DRD2: variants seen among roughly 807,000 people sequenced by gnomAD.
DRD2 encodes dopamine receptor D2.
DRD2 carries 8 observed loss-of-function variants against 38.0 expected under a neutral mutation model. The observed-to-expected ratio is 0.21, with a 90% CI of 0.12 to 0.38. DRD2 has a LOEUF of 0.38. DRD2 is among the 10% of genes least tolerant of loss of function. The pLI, the probability that DRD2 is intolerant of heterozygous loss-of-function variation, is 1.00. For missense variants in DRD2, 403 were observed against 607.7 expected (o/e 0.66, Z 3.54); for synonymous variants, 230 against 238.6 (o/e 0.96, Z 0.33).
rs370588445 is a variant in DRD2 at position 113,417,858 on chromosome 11, A to C, written c.395+169T>G. On this transcript the variant is annotated intron_variant, in intron 3 of 7. Coordinates refer to ENST00000362072, the MANE Select transcript of DRD2 (RefSeq NM_000795.4). Reference sequence around the variant, plus strand: ...CTCTTTAGGGAGTGTGTGCTCTCCTAGCCAAACATACACACATGCACACCC... The same window carrying C: ...CTCTTTAGGGAGTGTGTGCTCTCCTCGCCAAACATACACACATGCACACCC... Among the ~76,000 whole-genome samples the C allele has an allele frequency of 8.7e-4, 132 of 152,252 alleles. 5 individuals are homozygous for C. In the South Asian group the frequency reaches 0.027, roughly 31 times the overall value.
In DRD2 at chr11:113,410,864, A is replaced by G. The variant is rs773693505; in HGVS notation, c.1195T>C (p.Cys399Arg). Residue 399 changes from cysteine to arginine, a missense_variant, in exon 8 of 8, where the codon TGT becomes CGT. By Grantham distance (180) the Cys-to-Arg change is radical (BLOSUM62 -3). This residue lies in a region of DRD2 where 67 missense variants were observed against 136.1 expected (regional missense o/e 0.49). Transcript: ENST00000362072. ...AGGACAGGCGGGATGTTGCAGTCAC[A>G]GTGTATGTTCAGGATGTGTGTGATG... ...FFITHILNIH[C>R]DCNIPPVLYS... is the part of the protein sequence containing the mutation. 1.2e-6 allele frequency: 2 copies of G among 1,614,106 alleles called. No homozygotes were observed. The highest frequency in any genetic ancestry group is 1.3e-5 in the African/African-American group (1 of 75,030).
At chr11:113,460,545 C>T (rs1431349176) in intron 1 of DRD2, among the ~76,000 whole-genome samples, 1 of 152,252 alleles carries the variant, frequency 6.6e-6, no homozygotes, top group East Asian at 1.9e-4. Context: ...AGAGGCACTG[C>T]CTGGGGGCCC....
chr11:113,463,660 G>T (rs1273659462), intron 1 of DRD2, among the ~76,000 whole-genome samples: 4 of 152,154 alleles, frequency 2.6e-5, no homozygotes, highest in Non-Finnish European at 5.9e-5. Context: ...CGGGGGCGGG[G>T]CTCAATGACA....
intron 1 of DRD2, among the ~76,000 whole-genome samples, chr11:113,432,945 C>T (rs757518833): frequency 7.2e-5 from 11 of 152,228 alleles, no homozygotes; most frequent in Non-Finnish European, 1.5e-4. Flanking sequence ...GAGGCAACCT[C>T]AGCAGATGGC....
At chr11:113,433,179 G>T (rs1397087448) in intron 1 of DRD2, among the ~76,000 whole-genome samples, 1 of 152,188 alleles carries the variant, frequency 6.6e-6, no homozygotes, top group Non-Finnish European at 1.5e-5. Context: ...AGCAATGGAC[G>T]ATGGCAACCT....
Position 113,424,561 on chromosome 11 carries a change from T to C in DRD2, c.91A>G (p.Arg31Gly). Reference sequence around the variant, plus strand: ...GTGGCATAGTAGTTGTAGTGGGGTCTGTCCGCCTTCCCGTCTGACCCGTTG... The same window carrying C: ...GTGGCATAGTAGTTGTAGTGGGGTCCGTCCGCCTTCCCGTCTGACCCGTTG... The part of the protein sequence containing the change: ...PFNGSDGKAD[R>G]PHYNYYATLL... The change falls in exon 2 of 8, where the codon AGA (arginine) becomes GGA (glycine). Residue 31 changes from arginine (R) to glycine (G), a missense_variant. Physicochemically the swap from Arg to Gly is moderately radical, Grantham distance 125 (BLOSUM62 -2). This residue lies in a region of DRD2 where 162 missense variants were observed against 254.5 expected (regional missense o/e 0.64). Transcript: ENST00000362072. 1.2e-6 allele frequency: 2 copies of C among 1,614,236 alleles called. No homozygotes were observed. Among genetic ancestry groups the C allele is most frequent in the Non-Finnish European group, 1.7e-6 (2 of 1,180,040 alleles).
intron 1 of DRD2, among the ~76,000 whole-genome samples, chr11:113,450,847 C>G (rs563467858): frequency 6.6e-6 from 1 of 152,176 alleles, no homozygotes; most frequent in African/African-American, 2.4e-5. Flanking sequence ...TTTCTCCAAA[C>G]GGACCACTCC....
chr11:113,423,286 T>A (rs1261096310), intron 2 of DRD2, among the ~76,000 whole-genome samples: 1 of 152,120 alleles, frequency 6.6e-6, no homozygotes, highest in Admixed American at 6.5e-5. Context: ...TAATTTTATT[T>A]TTTTTTTGAG....
At chr11:113,452,477 C>CGT (rs1379378377) in intron 1 of DRD2, among the ~76,000 whole-genome samples, 29 of 87,778 alleles carry the variant, frequency 3.3e-4, no homozygotes, top group South Asian at 1.1e-3. Flanking sequence ...TGTGCGCGCG[C>CGT]GCGCGCGCGC....
chr11:113,462,022 C>G (rs2119965188), intron 1 of DRD2, among the ~76,000 whole-genome samples: 1 of 150,946 alleles, frequency 6.6e-6, no homozygotes, highest in East Asian at 1.9e-4. Context: ...TTACTTTCCC[C>G]CCTTACCAAC....
chr11:113,410,948 TC>T, intron 7 of DRD2, 28 bp from the exon 8 acceptor site: 1 of 1,594,758 alleles, frequency 6.3e-7, no homozygotes, highest in South Asian at 1.1e-5. Context: ...GTCAGGCTGG[TC>T]CCCAGAGCCG....
intron 3 of DRD2, among the ~76,000 whole-genome samples, chr11:113,417,430 T>A (rs1015865557): frequency 7.2e-5 from 11 of 152,102 alleles, no homozygotes; most frequent in Admixed American, 5.9e-4. Flanking sequence ...CAATGGCAAT[T>A]GTCTACAATC....
intron 1 of DRD2, among the ~76,000 whole-genome samples, chr11:113,466,010 T>C (rs990686770): frequency 3.9e-5 from 6 of 152,208 alleles, no homozygotes; most frequent in Non-Finnish European, 7.3e-5. Context: ...CAGGTAAGTA[T>C]ATAGTCATCC....
intron 1 of DRD2, among the ~76,000 whole-genome samples, chr11:113,465,131 A>G (rs894871844): frequency 6.7e-6 from 1 of 150,214 alleles, no homozygotes; most frequent in Admixed American, 6.6e-5. Context: ...TTTTTGAGAC[A>G]GTCTCACTAT....
intron 2 of DRD2, among the ~76,000 whole-genome samples, chr11:113,422,374 T>C (rs889258486): frequency 1.3e-5 from 2 of 152,230 alleles, no homozygotes; most frequent in Non-Finnish European, 2.9e-5. Context: ...TGCTATGATG[T>C]ATGATACTAT....
chr11:113,420,560 T>C (rs887551717), intron 2 of DRD2, among the ~76,000 whole-genome samples: 7 of 152,192 alleles, frequency 4.6e-5, no homozygotes, highest in Admixed American at 6.5e-5. Flanking sequence ...ATCCCACTCA[T>C]AGGTGAGGGA....
chr11:113,468,837 C>T (rs1056001627), intron 1 of DRD2, among the ~76,000 whole-genome samples: 3 of 152,148 alleles, frequency 2.0e-5, no homozygotes, highest in South Asian at 2.1e-4. Flanking sequence ...CGTGAGCCAC[C>T]GCGTCTGGCT....
chr11:113,449,232 G>C (rs2119895941), intron 1 of DRD2, among the ~76,000 whole-genome samples: 1 of 152,180 alleles, frequency 6.6e-6, no homozygotes, highest in Non-Finnish European at 1.5e-5. Context: ...TCTTCAAAGG[G>C]AAAAGCCCAC....
At chr11:113,453,081 T>C (rs75644434) in intron 1 of DRD2, among the ~76,000 whole-genome samples, 4,150 of 152,268 alleles carry the variant, frequency 0.027, 83 homozygotes, top group Non-Finnish European at 0.045. Context: ...TTTGGGCAAG[T>C]TACTTAATCT....
Sources: gnomAD v4.1 joint callset for allele counts (sites outside exome capture counted in the v4.1 genomes callset) on GRCh38, gnomAD v4.1.1 for gene constraint, gnomAD v4.1.1 regional missense constraint, MANE v1.5 for transcripts, NCBI Gene and HGNC (gene_info 2026-07-23, HGNC 2026-07-21) for gene names.